CYP3A4: variants seen among roughly 807,000 people sequenced by gnomAD.
CYP3A4 encodes cytochrome P450 3A4.
CYP3A4 carries 41 observed loss-of-function variants against 54.9 expected under a neutral mutation model. The ratio of observed to expected loss-of-function variants is 0.75; its 90% CI spans 0.58 to 0.97. CYP3A4 has a LOEUF of 0.97. Among genes scored for constraint, CYP3A4 ranks in the 50% least tolerant of loss-of-function variants. CYP3A4 has a pLI of 0.00. For missense variants in CYP3A4, 510 were observed against 597.3 expected (o/e 0.85, Z 1.52); for synonymous variants, 179 against 205.2 (o/e 0.87, Z 1.09).
intron 2 of CYP3A4, among the ~76,000 whole-genome samples, chr7:99,778,772 A>G (rs1815840277): frequency 6.6e-6 from 1 of 152,066 alleles, no homozygotes. Context: ...ACCTTCCTGT[A>G]TCGACATTTC....
intron 1 of CYP3A4, among the ~76,000 whole-genome samples, chr7:99,783,284 CCCACCAGTGAGAGGATT>C (rs951016651): frequency 4.1e-4 from 63 of 152,260 alleles, no homozygotes; most frequent in African/African-American, 1.5e-3. Flanking sequence ...ATGGCAGGAT[CCCACCAGTGAGAGGATT>C]CATCCTCTTC....
intron 4 of CYP3A4, among the ~76,000 whole-genome samples, chr7:99,771,724 G>C (rs1424449645): frequency 6.6e-6 from 1 of 152,176 alleles, no homozygotes; most frequent in African/African-American, 2.4e-5. Flanking sequence ...TTAGTGTACA[G>C]CTACTAGGGT....
At chr7:99,781,576 T>G (rs1471894949) in intron 1 of CYP3A4, among the ~76,000 whole-genome samples, 2 of 152,060 alleles carry the variant, frequency 1.3e-5, no homozygotes, top group Admixed American at 6.5e-5. Context: ...TTACTGAGGG[T>G]TGGAAGACTG....
At chr7:99,780,250 G>T in intron 1 of CYP3A4, 165 bp from the exon 2 acceptor site, 1 of 672,882 alleles carries the variant, frequency 1.5e-6, no homozygotes, top group Non-Finnish European at 2.5e-6. Flanking sequence ...TGTTCATCAG[G>T]TCCTTTCCTG....
At chr7:99,770,309 A>G (rs898252727) in intron 4 of CYP3A4, 74 bp from the exon 5 acceptor site, 2 of 1,356,270 alleles carry the variant, frequency 1.5e-6, no homozygotes, top group South Asian at 2.4e-5. Context: ...AATGTGTTAA[A>G]CAGGAACACT....
rs1282130421 is a variant in CYP3A4, at chr7:99,757,008, T to A, written c.*1125A>T. The A allele has an allele frequency of 6.6e-6, 1 of 152,176 alleles. No homozygotes were observed. Among genetic ancestry groups the A allele is most frequent in the Non-Finnish European group, 1.5e-5 (1 of 68,032 alleles). The allele number at this position is 152,176 out of a possible 1,614,324, so 9.4% of individuals were successfully genotyped here. ...CCAATCGACTGTTTTTTATTAAGTG[T>A]TCATTGCATCGAGACAGTTGGGTGT... On this transcript the variant is annotated 3_prime_UTR_variant, in exon 13 of 13. Coordinates refer to ENST00000651514, the MANE Select transcript of CYP3A4 (RefSeq NM_017460.6).
intron 12 of CYP3A4, among the ~76,000 whole-genome samples, chr7:99,758,555 T>C (rs1481316594): frequency 2.6e-5 from 4 of 152,230 alleles, no homozygotes; most frequent in African/African-American, 9.6e-5. Context: ...GACAAATTCA[T>C]GGAAACCTGT....
Position 99,763,939 on chromosome 7 carries a change from G to A in CYP3A4, c.942C>T (p.Leu314=). Residue 314 remains leucine (L), a synonymous_variant, in exon 10 of 13, where the codon CTC becomes CTT. Transcript: ENST00000651514. ...FAGYETTSSV[L]SFIMYELATH... Reference sequence around the variant, plus strand: ...TGGCCAGTTCATACATAATGAAGGAGAGAACACTGCTCGTGGTTTCATAGC... The same window carrying A: ...TGGCCAGTTCATACATAATGAAGGAAAGAACACTGCTCGTGGTTTCATAGC... 1 of 1,614,040 alleles carries A rather than the reference G, an allele frequency of 6.2e-7. No homozygotes were observed. The highest frequency in any genetic ancestry group is 8.5e-7 in the Non-Finnish European group (1 of 1,179,962).
Position 99,767,151 on chromosome 7 carries a change from G to A in CYP3A4, c.778C>T (p.Arg260Cys), listed in dbSNP as rs750301316. 9 of 1,610,854 alleles carry A rather than the reference G, an allele frequency of 5.6e-6. No individual in the cohort carries two copies. Among genetic ancestry groups the A allele is most frequent in the Admixed American group, 1.7e-5 (1 of 59,556 alleles). The change falls in exon 8 of 13, where the codon CGC (arginine) becomes TGC (cysteine). Residue 260 changes from arginine to cysteine, a missense_variant. Physicochemically the swap from Arg to Cys is radical, Grantham distance 180 (BLOSUM62 -3). This residue lies in a region of CYP3A4 where 238 missense variants were observed against 322.5 expected (regional missense o/e 0.74). Coordinates refer to ENST00000651514, the MANE Select transcript of CYP3A4 (RefSeq NM_017460.6). ...TTTACCTTTTGTGTATCTTCGAGGCGACTTTCTTTCATCCTTTTTACAGAT... is the reference window on the plus strand; with the variant it reads ...TTTACCTTTTGTGTATCTTCGAGGCAACTTTCTTTCATCCTTTTTACAGAT... The part of the protein sequence containing the change: ...RKSVKRMKES[R>C]LEDTQKHRVD...
chr7:99,768,019 T>A (rs28988585), intron 7 of CYP3A4, among the ~76,000 whole-genome samples: 1,833 of 152,220 alleles, frequency 0.012, 32 homozygotes, highest in African/African-American at 0.041. Flanking sequence ...AAGTACAAAT[T>A]CATGAACTAG....
chr7:99,758,166 A>C lies in CYP3A4; in HGVS notation c.1479T>G (p.Val493=), dbSNP rs148317879. 3.3e-4 allele frequency: 525 copies of C among 1,614,062 alleles called. 4 individuals carry two copies. The Middle Eastern group carries it at 0.017, about 51-fold the overall frequency. The change falls in exon 13 of 13, where the codon GTT becomes GTG. Residue 493 remains valine (V), a synonymous_variant. Transcript: ENST00000651514. Reference sequence around the variant, plus strand: ...CACTTACGGTGCCATCCCTTGACTCAACCTTTAGAACAACGGGTTTTTCTG... The same window carrying C: ...CACTTACGGTGCCATCCCTTGACTCCACCTTTAGAACAACGGGTTTTTCTG... The part of the protein sequence containing the change: ...LQPEKPVVLK[V]ESRDGTVSGA
chr7:99,759,795 A>G (rs1815270011), intron 12 of CYP3A4, among the ~76,000 whole-genome samples: 1 of 152,116 alleles, frequency 6.6e-6, no homozygotes, highest in Non-Finnish European at 1.5e-5. Context: ...TGGGGATTGA[A>G]CTAGGACTTG....
intron 8 of CYP3A4, 125 bp from the exon 9 acceptor site, chr7:99,766,568 T>C (rs1815482651): frequency 4.2e-6 from 5 of 1,178,682 alleles, no homozygotes; most frequent in Non-Finnish European, 6.1e-6. Flanking sequence ...ATCTGATGCA[T>C]GTTGCCTGAA....
chr7:99,781,862 C>T (rs538420367), intron 1 of CYP3A4, among the ~76,000 whole-genome samples: 3 of 152,330 alleles, frequency 2.0e-5, no homozygotes, highest in South Asian at 4.1e-4. Flanking sequence ...CTTGTTTTCT[C>T]TTCTTTAAAG....
intron 6 of CYP3A4, 132 bp from the exon 7 acceptor site, chr7:99,768,634 C>T (rs1418747308): frequency 3.1e-5 from 47 of 1,536,732 alleles, no homozygotes; most frequent in Non-Finnish European, 3.8e-5. Flanking sequence ...TACTAGATCA[C>T]CTTCTATCAC....
rs755222173 is a variant in CYP3A4 at position 99,766,462 on chromosome 7, A to C, written c.799-19T>G. The C allele has an allele frequency of 1.2e-5, 20 of 1,613,438 alleles. No individual in the cohort carries two copies. Among genetic ancestry groups the C allele is most frequent in the Non-Finnish European group, 1.7e-5 (20 of 1,179,556 alleles). Reference sequence around the variant, plus strand: ...CTCGGTGCTAGAAGCAAAAAGAGAAATTTCACTGACAGAAAGTGGCTCCTG... The same window carrying C: ...CTCGGTGCTAGAAGCAAAAAGAGAACTTTCACTGACAGAAAGTGGCTCCTG... On this transcript the variant is annotated intron_variant, in intron 8 of 12. Coordinates refer to ENST00000651514, the MANE Select transcript of CYP3A4 (RefSeq NM_017460.6).
intron 9 of CYP3A4, among the ~76,000 whole-genome samples, chr7:99,764,708 A>G (rs1283689045): frequency 6.6e-6 from 1 of 152,224 alleles, no homozygotes; most frequent in African/African-American, 2.4e-5. Flanking sequence ...CACGGATTAT[A>G]TCTTTGAGAG....
intron 3 of CYP3A4, among the ~76,000 whole-genome samples, chr7:99,776,033 G>T (rs1815764157): frequency 6.6e-6 from 1 of 152,134 alleles, no homozygotes; most frequent in South Asian, 2.1e-4. Context: ...AATGGGCAAA[G>T]GATATGAACA....
rs181210913 is a variant in CYP3A4, at chr7:99,760,827, C to T, written c.1408G>A (p.Glu470Lys). 3 of 1,613,854 alleles carry T rather than the reference C, an allele frequency of 1.9e-6. No individual in the cohort carries two copies. The Admixed American group carries it at 5.0e-5, about 27-fold the overall frequency. Residue 470 changes from glutamate to lysine, a missense_variant, in exon 12 of 13, where the codon GAA (glutamate) becomes AAA (lysine). Physicochemically the swap from Glu to Lys is moderately conservative, Grantham distance 56. Around this residue, in one of 2 missense-constraint regions of CYP3A4, gnomAD observed 238 missense variants for 322.5 expected, o/e 0.74. Coordinates refer to ENST00000651514, the MANE Select transcript of CYP3A4 (RefSeq NM_017460.6). The part of the protein sequence containing the change: ...LQNFSFKPCK[E>K]TQIPLKLSLG... The stretch of plus-strand genomic sequence containing the variant: ...ATAGAAAATTGACTAACCTGTGTTT[C>T]TTTACAAGGTTTGAAGGAGAAGTTC...
Sources: gnomAD v4.1 joint callset for allele counts (sites outside exome capture counted in the v4.1 genomes callset) on GRCh38, gnomAD v4.1.1 for gene constraint, gnomAD v4.1.1 regional missense constraint, MANE v1.5 for transcripts, NCBI Gene and HGNC (gene_info 2026-07-23, HGNC 2026-07-21) for gene names.